ADAMTSL1: variants seen among roughly 807,000 people sequenced by gnomAD.
The protein encoded by ADAMTSL1 is ADAMTS like 1, also known as ADAMTS-like protein 1.
A neutral mutation model predicts 201.8 loss-of-function variants in ADAMTSL1; 126 were observed. The ratio of observed to expected loss-of-function variants is 0.62; its 90% CI spans 0.54 to 0.72. The LOEUF (loss-of-function observed/expected upper bound fraction) is 0.72, where lower values mean the gene tolerates loss of function less well. Ranked by LOEUF, ADAMTSL1 falls within the 30% of genes least tolerant of loss-of-function variation. The pLI, the probability that ADAMTSL1 is intolerant of heterozygous loss-of-function variation, is 0.00. For synonymous variants in ADAMTSL1, 1,121 were observed against 903.4 expected (o/e 1.24, Z -4.32); for missense variants, 2,679 against 2,277.8 (o/e 1.18, Z -3.59).
chr9:18,535,264 T>C lies in ADAMTSL1; in HGVS notation c.237+1972T>C, dbSNP rs1015029675. On this transcript the variant is annotated intron_variant, in intron 3 of 28. Transcript: ENST00000380548. Reference sequence around the variant, plus strand: ...TGCCACCAGCCTCTTTGCTAAAGCATAAACAAGAGTCACCTTTGCTTTACT... The same window carrying C: ...TGCCACCAGCCTCTTTGCTAAAGCACAAACAAGAGTCACCTTTGCTTTACT... 3.9e-5 allele frequency among the ~76,000 whole-genome samples: 6 copies of C among 152,210 alleles called. No individual in the cohort carries two copies. In the East Asian group the frequency reaches 1.2e-3, roughly 29 times the overall value.
At chr9:18,138,187 T>G (rs1826240555) in intron 1 of ADAMTSL1, among the ~76,000 whole-genome samples, 1 of 152,164 alleles carries the variant, frequency 6.6e-6, no homozygotes. Context: ...GAAAAGTAAG[T>G]ATTAAATGAG....
intron 2 of ADAMTSL1, among the ~76,000 whole-genome samples, chr9:18,303,338 A>C (rs916806922): frequency 2.0e-5 from 3 of 152,236 alleles, no homozygotes; most frequent in Non-Finnish European, 4.4e-5. Context: ...CCCAGGAGGC[A>C]GAACTAGTCA....
At chr9:18,331,429 C>G (rs1835023013) in intron 2 of ADAMTSL1, among the ~76,000 whole-genome samples, 1 of 152,180 alleles carries the variant, frequency 6.6e-6, no homozygotes, top group Non-Finnish European at 1.5e-5. Context: ...TGCCTCCCTC[C>G]TGGATATACT....
chr9:18,371,714 A>G (rs929036031), intron 2 of ADAMTSL1, among the ~76,000 whole-genome samples: 5 of 152,220 alleles, frequency 3.3e-5, no homozygotes, highest in Non-Finnish European at 5.9e-5. Flanking sequence ...TGGAAAATGC[A>G]TTTCACAATC....
chr9:18,524,372 C>A (rs1194365221), intron 2 of ADAMTSL1, among the ~76,000 whole-genome samples: 4 of 152,170 alleles, frequency 2.6e-5, no homozygotes, highest in Admixed American at 6.5e-5. Flanking sequence ...AATATACAAT[C>A]ATGTCATCTG....
intron 1 of ADAMTSL1, among the ~76,000 whole-genome samples, chr9:18,110,268 G>A (rs975916728): frequency 2.0e-4 from 30 of 152,134 alleles, no homozygotes; most frequent in African/African-American, 7.0e-4. Flanking sequence ...CAGCTCTCTG[G>A]CATCTCAAGG....
At chr9:18,889,513 G>C in intron 24 of ADAMTSL1, 55 bp from the exon 25 acceptor site, 1 of 1,578,024 alleles carries the variant, frequency 6.3e-7, no homozygotes, top group East Asian at 2.3e-5. Context: ...AAGGAATTCA[G>C]AGTGTGGGCA....
chr9:18,538,841 G>A (rs1438488244), intron 3 of ADAMTSL1, among the ~76,000 whole-genome samples: 2 of 152,208 alleles, frequency 1.3e-5, no homozygotes, highest in Non-Finnish European at 2.9e-5. Flanking sequence ...GGTGCTTTAT[G>A]TCAAGGATCA....
At chr9:17,970,040 G>A (rs534148694) in intron 1 of ADAMTSL1, among the ~76,000 whole-genome samples, 19 of 151,974 alleles carry the variant, frequency 1.3e-4, no homozygotes, top group African/African-American at 2.4e-4. Flanking sequence ...CCTTGAACAC[G>A]TGGCTAATCT....
intron 2 of ADAMTSL1, among the ~76,000 whole-genome samples, chr9:18,166,147 G>A (rs1827616684): frequency 6.6e-6 from 1 of 151,908 alleles, no homozygotes; most frequent in Admixed American, 6.6e-5. Context: ...GTATCCCAAA[G>A]ACATTTATGC....
intron 2 of ADAMTSL1, among the ~76,000 whole-genome samples, chr9:18,258,468 C>T (rs1831782341): frequency 2.0e-5 from 3 of 152,174 alleles, no homozygotes; most frequent in African/African-American, 4.8e-5. Context: ...CTGCCAGGGC[C>T]TCCTTGTAAT....
At chr9:18,579,109 T>C (rs1822924488) in intron 4 of ADAMTSL1, among the ~76,000 whole-genome samples, 1 of 151,642 alleles carries the variant, frequency 6.6e-6, no homozygotes, top group South Asian at 2.1e-4. Flanking sequence ...TGTCCAACAA[T>C]GATAGACTGG....
chr9:18,484,315 A>G (rs905720827), intron 1 of ADAMTSL1, among the ~76,000 whole-genome samples: 1 of 152,206 alleles, frequency 6.6e-6, no homozygotes, highest in African/African-American at 2.4e-5. Context: ...TTTAAACTGT[A>G]TATTTAACTA....
chr9:18,723,090 C>A, intron 15 of ADAMTSL1: 1 of 776,934 alleles, frequency 1.3e-6, no homozygotes, highest in East Asian at 2.4e-5. Context: ...GCTTCTCATC[C>A]TGCTGTCACC....
intron 2 of ADAMTSL1, among the ~76,000 whole-genome samples, chr9:18,383,285 C>T (rs1271933447): frequency 6.6e-6 from 1 of 152,108 alleles, no homozygotes; most frequent in Non-Finnish European, 1.5e-5. Context: ...TCTGTAGACA[C>T]TGCTTTTGGC....
At chr9:18,630,308 A>C (rs776843577) in intron 5 of ADAMTSL1, among the ~76,000 whole-genome samples, 1 of 152,192 alleles carries the variant, frequency 6.6e-6, no homozygotes, top group Non-Finnish European at 1.5e-5. Context: ...TCAGCCCTGT[A>C]TGAGCACCGT....
At chr9:18,066,758 C>A (rs1329722893) in intron 1 of ADAMTSL1, among the ~76,000 whole-genome samples, 2 of 152,110 alleles carry the variant, frequency 1.3e-5, no homozygotes, top group Non-Finnish European at 2.9e-5. Flanking sequence ...CAATGATAGA[C>A]TGGATTAAGA....
chr9:18,316,230 A>G (rs548232540), intron 2 of ADAMTSL1, among the ~76,000 whole-genome samples: 2 of 152,268 alleles, frequency 1.3e-5, no homozygotes, highest in African/African-American at 4.8e-5. Flanking sequence ...CCGGGGCGAA[A>G]TTAAAATTGC....
chr9:17,929,264 C>G (rs1475672901), intron 1 of ADAMTSL1, among the ~76,000 whole-genome samples: 1 of 152,052 alleles, frequency 6.6e-6, no homozygotes, highest in Non-Finnish European at 1.5e-5. Flanking sequence ...TATTTCTCAG[C>G]CTTTTCGTTA....
Sources: gnomAD v4.1 joint callset for allele counts (sites outside exome capture counted in the v4.1 genomes callset) on GRCh38, gnomAD v4.1.1 for gene constraint, MANE v1.5 for transcripts, NCBI Gene and HGNC (gene_info 2026-07-23, HGNC 2026-07-21) for gene names.